The following IQCM variants were observed in gnomAD, a reference collection of about 807,000 sequenced individuals.
IQCM encodes the protein IQ domain-containing protein M.
Under a neutral mutation model 57.6 loss-of-function variants are expected in IQCM, and 45 were observed. That is an observed-to-expected ratio of 0.78 (90% CI 0.62 to 1.00). IQCM has a LOEUF of 1.00. IQCM is among the 50% of genes least tolerant of loss of function. IQCM has a pLI of 0.00. For synonymous variants in IQCM, 148 were observed against 158.9 expected (o/e 0.93, Z 0.51); for missense variants, 468 against 511.6 (o/e 0.91, Z 0.82).
chr4:149,720,001 T>A (rs1334870898), intron 5 of IQCM, among the ~76,000 whole-genome samples: 2 of 152,136 alleles, frequency 1.3e-5, no homozygotes, highest in African/African-American at 4.8e-5. Flanking sequence ...CTGCTCTCAT[T>A]TCACTTCCTC....
intron 13 of IQCM, among the ~76,000 whole-genome samples, chr4:149,391,074 T>A (rs1578897018): frequency 6.6e-6 from 1 of 152,032 alleles, no homozygotes; most frequent in East Asian, 1.9e-4. Flanking sequence ...AGAATTGGCA[T>A]TAATTCTTCT....
At chr4:149,723,408 T>G (rs1765616413) in intron 5 of IQCM, among the ~76,000 whole-genome samples, 1 of 151,964 alleles carries the variant, frequency 6.6e-6, no homozygotes, top group Non-Finnish European at 1.5e-5. Flanking sequence ...GTTCAGCATG[T>G]TATTGGCTGT....
intron 2 of IQCM, among the ~76,000 whole-genome samples, chr4:149,813,002 C>T (rs1774726540): frequency 6.6e-6 from 1 of 152,076 alleles, no homozygotes; most frequent in African/African-American, 2.4e-5. Context: ...AAATGTCAGG[C>T]TATATTTAAA....
intron 12 of IQCM, among the ~76,000 whole-genome samples, chr4:149,497,583 C>T (rs1742793661): frequency 6.6e-6 from 1 of 152,000 alleles, no homozygotes; most frequent in African/African-American, 2.4e-5. Context: ...GAGAACAGCA[C>T]TGGAAAGACC....
At chr4:149,522,310 G>A (rs1288075150) in intron 12 of IQCM, among the ~76,000 whole-genome samples, 7 of 152,050 alleles carry the variant, frequency 4.6e-5, no homozygotes, top group Admixed American at 3.9e-4. Context: ...AAGATATAAA[G>A]GACCATAAGT....
At chr4:149,593,924 T>A (rs541405616) in intron 8 of IQCM, among the ~76,000 whole-genome samples, 1 of 152,228 alleles carries the variant, frequency 6.6e-6, no homozygotes, top group East Asian at 1.9e-4. Context: ...TTCTCTTTTT[T>A]TGTTGTGTCT....
chr4:149,442,335 G>T (rs567207364), intron 12 of IQCM, among the ~76,000 whole-genome samples: 1 of 152,036 alleles, frequency 6.6e-6, no homozygotes, highest in East Asian at 1.9e-4. Context: ...AAATCATCTA[G>T]TCCTGGTTCC....
chr4:149,723,919 T>C (rs1765669371), intron 5 of IQCM, among the ~76,000 whole-genome samples: 1 of 73,468 alleles, frequency 1.4e-5, no homozygotes, highest in Non-Finnish European at 2.5e-5. Flanking sequence ...GGGCCTGTGC[T>C]TTTTTTTTTC....
chr4:149,623,681 A>G (rs2150078164), intron 7 of IQCM, among the ~76,000 whole-genome samples: 1 of 152,294 alleles, frequency 6.6e-6, no homozygotes, highest in Admixed American at 6.5e-5. Context: ...CAATCTTCAC[A>G]GATAATGACA....
At chr4:149,460,361 G>C (rs1738143038) in intron 12 of IQCM, among the ~76,000 whole-genome samples, 1 of 151,668 alleles carries the variant, frequency 6.6e-6, no homozygotes, top group South Asian at 2.1e-4. Context: ...CCATTTTTTG[G>C]GTTGTCTTCT....
chr4:149,614,428 C>A (rs1385366896), intron 8 of IQCM, among the ~76,000 whole-genome samples: 1 of 152,140 alleles, frequency 6.6e-6, no homozygotes, highest in Non-Finnish European at 1.5e-5. Flanking sequence ...TTCCCTCTAG[C>A]ATGCTGTGCT....
chr4:149,544,315 C>T (rs931078313), intron 12 of IQCM, among the ~76,000 whole-genome samples: 4 of 151,988 alleles, frequency 2.6e-5, no homozygotes, highest in Non-Finnish European at 4.4e-5. Flanking sequence ...CCCTTGCAAT[C>T]GCATCAAAGA....
chr4:149,481,240 C>A (rs755602165), intron 12 of IQCM, among the ~76,000 whole-genome samples: 2 of 152,066 alleles, frequency 1.3e-5, no homozygotes, highest in Non-Finnish European at 2.9e-5. Context: ...CATTGCTGTG[C>A]AGAAGCTTTT....
intron 13 of IQCM, among the ~76,000 whole-genome samples, chr4:149,354,370 A>AAAAAAAAAAAAAG (rs1728793776): frequency 1.0e-5 from 1 of 98,406 alleles, no homozygotes; most frequent in Non-Finnish European, 2.4e-5. Context: ...TCTCAAAAAA[A>AAAAAAAAAAAAAG]AAAAAAAAAA....
intron 7 of IQCM, among the ~76,000 whole-genome samples, chr4:149,644,719 C>T (rs1758494065): frequency 6.6e-6 from 1 of 152,172 alleles, no homozygotes; most frequent in Non-Finnish European, 1.5e-5. Context: ...TTAGCAGAAC[C>T]TTCAACATGT....
chr4:149,370,710 C>T (rs970829076), intron 13 of IQCM, among the ~76,000 whole-genome samples: 2 of 152,100 alleles, frequency 1.3e-5, no homozygotes, highest in African/African-American at 4.8e-5. Flanking sequence ...TTTCTTCTAA[C>T]CTTTCCCTGT....
chr4:149,400,444 A>G (rs1732539945), intron 13 of IQCM, among the ~76,000 whole-genome samples: 1 of 152,046 alleles, frequency 6.6e-6, no homozygotes, highest in Non-Finnish European at 1.5e-5. Context: ...ACGTGGCATG[A>G]GATACATTCA....
intron 12 of IQCM, among the ~76,000 whole-genome samples, chr4:149,545,005 C>A (rs1748246748): frequency 6.6e-6 from 1 of 151,782 alleles, no homozygotes; most frequent in Non-Finnish European, 1.5e-5. Context: ...TTTAGTATGA[C>A]CCCAAAAGCA....
At position 149,719,314 on chromosome 4, in the gene IQCM, A is replaced by G. The variant is rs566990265; in HGVS notation, c.385+13930T>C. Among the ~76,000 whole-genome samples the G allele has an allele frequency of 3.3e-5, 5 of 151,942 alleles. No homozygotes were observed. In the East Asian group the frequency reaches 9.7e-4, roughly 29 times the overall value. On this transcript the variant is annotated intron_variant, in intron 5 of 13. Transcript: ENST00000636793. ...ACCCAAGACTGCATCATTGCACTCT[A>G]GCCTGGGCAACAGGAACAAAAGTCA...
Sources: gnomAD v4.1 joint callset for allele counts (sites outside exome capture counted in the v4.1 genomes callset) on GRCh38, gnomAD v4.1.1 for gene constraint, MANE v1.5 for transcripts, NCBI Gene and HGNC (gene_info 2026-07-23, HGNC 2026-07-21) for gene names.